The following VEGFC variants were observed in gnomAD, a reference collection of about 807,000 sequenced individuals.
The protein encoded by VEGFC is FLT4 ligand DHM.
VEGFC carries 12 observed loss-of-function variants against 46.1 expected under a neutral mutation model. The ratio of observed to expected loss-of-function variants is 0.26; its 90% CI spans 0.17 to 0.42. VEGFC has a LOEUF of 0.42. VEGFC is among the 10% of genes least tolerant of loss of function. The probability of loss-of-function intolerance (pLI) is 1.00; values close to 1 mark genes in which losing one functional copy is unlikely to be tolerated. For synonymous variants in VEGFC, 232 were observed against 195.5 expected (o/e 1.19, Z -1.56); for missense variants, 488 against 529.4 (o/e 0.92, Z 0.77).
chr4:176,715,786 A>C lies in VEGFC; in HGVS notation c.553-4136T>G, dbSNP rs1013615427. On this transcript the variant is annotated intron_variant, in intron 3 of 6. Coordinates refer to ENST00000618562, the MANE Select transcript of VEGFC (RefSeq NM_005429.5). ...ATACATTTTTTGAACTGAAAAAATA[A>C]TAATTAGAAGTGCATTATAAACTTG... Among the ~76,000 whole-genome samples, 9 of 152,340 alleles carry C rather than the reference A, an allele frequency of 5.9e-5. No homozygotes were observed. In the South Asian group the frequency reaches 1.0e-3, roughly 18 times the overall value.
At chr4:176,737,508 C>G (rs1027918757) in intron 1 of VEGFC, among the ~76,000 whole-genome samples, 1 of 150,252 alleles carries the variant, frequency 6.7e-6, no homozygotes, top group East Asian at 2.0e-4. Flanking sequence ...TTTTAGTGTT[C>G]ATGTAATTTA....
At chr4:176,782,167 G>C (rs914533294) in intron 1 of VEGFC, among the ~76,000 whole-genome samples, 2 of 152,212 alleles carry the variant, frequency 1.3e-5, no homozygotes, top group African/African-American at 4.8e-5. Context: ...CAAAGCACTT[G>C]TAAGAGAAAA....
At chr4:176,760,005 A>G (rs1310951312) in intron 1 of VEGFC, among the ~76,000 whole-genome samples, 2 of 152,192 alleles carry the variant, frequency 1.3e-5, no homozygotes, top group Non-Finnish European at 2.9e-5. Context: ...AAAATTAAAA[A>G]TAGTTAATAA....
intron 3 of VEGFC, among the ~76,000 whole-genome samples, chr4:176,713,734 A>G (rs1023756970): frequency 6.6e-6 from 1 of 152,194 alleles, no homozygotes. Flanking sequence ...GGGCACAGGA[A>G]CATCTATGAG....
intron 3 of VEGFC, among the ~76,000 whole-genome samples, chr4:176,713,424 A>T (rs1734649633): frequency 6.6e-6 from 1 of 152,190 alleles, no homozygotes; most frequent in African/African-American, 2.4e-5. Flanking sequence ...AAGAACTAGC[A>T]CTACAGAAGA....
intron 1 of VEGFC, among the ~76,000 whole-genome samples, chr4:176,791,473 C>A (rs1736091285): frequency 6.6e-6 from 1 of 151,530 alleles, no homozygotes; most frequent in African/African-American, 2.4e-5. Flanking sequence ...ACAAAACAAA[C>A]AAAAAACCCA....
At chr4:176,754,542 T>C (rs1033253363) in intron 1 of VEGFC, among the ~76,000 whole-genome samples, 3 of 151,948 alleles carry the variant, frequency 2.0e-5, no homozygotes, top group Non-Finnish European at 4.4e-5. Context: ...ACCAGATGAG[T>C]CTTTTTCACA....
rs3836595 is a variant in VEGFC at position 176,729,460 on chromosome 4, T to TA, written c.361+72dup. 1,149,242 of 1,347,154 alleles carry TA rather than the reference T, an allele frequency of 0.85. 502,433 individuals carry two copies. Among genetic ancestry groups the TA allele is most frequent in the East Asian group, 0.93 (38,524 of 41,528 alleles). The allele number at this position is 1,347,154 out of a possible 1,614,324, so 83.5% of individuals were successfully genotyped here. On this transcript the variant is annotated intron_variant, in intron 2 of 6. Transcript: ENST00000618562. ...TATTCGGTGATACAAACACTGAAATTAAAGAACCAGGCTGGCAACTTCTAC... is the reference window on the plus strand; with the variant it reads ...TATTCGGTGATACAAACACTGAAATTAAAAGAACCAGGCTGGCAACTTCTAC...
Position 176,683,998 on chromosome 4 carries a change from C to T in VEGFC, c.1188G>A (p.Glu396=), listed in dbSNP as rs1733989642. The change falls in exon 7 of 7, where the codon GAG becomes GAA. Residue 396 remains glutamate (E), a synonymous_variant. Coordinates refer to ENST00000618562, the MANE Select transcript of VEGFC (RefSeq NM_005429.5). ...CTTCTTCACTATATGAAAATCCTGG[C>T]TCACAAGCCTTCTGGCGGTTCGTAC... ...RPCTNRQKAC[E]PGFSYSEEVC... is the part of the protein sequence containing the mutation. 2.5e-6 allele frequency: 4 copies of T among 1,614,222 alleles called. No individual in the cohort carries two copies. The highest frequency in any genetic ancestry group is 3.4e-6 in the Non-Finnish European group (4 of 1,180,030).
chr4:176,785,425 G>GT (rs1735986584), intron 1 of VEGFC, among the ~76,000 whole-genome samples: 1 of 152,026 alleles, frequency 6.6e-6, no homozygotes, highest in Non-Finnish European at 1.5e-5. Context: ...CTTTCAGTAT[G>GT]TCCTTTCTCT....
intron 6 of VEGFC, among the ~76,000 whole-genome samples, chr4:176,686,027 T>C (rs7665213): frequency 0.63 from 95,211 of 152,080 alleles, 30,840 homozygotes; most frequent in South Asian, 0.74. Flanking sequence ...ACAAGCTTTT[T>C]TCTGTTAAAA....
chr4:176,692,888 G>A (rs775353454), intron 4 of VEGFC, among the ~76,000 whole-genome samples: 35 of 146,634 alleles, frequency 2.4e-4, no homozygotes, highest in Non-Finnish European at 3.7e-4. Context: ...ACACAGCAGG[G>A]TATTCCAACA....
At chr4:176,742,201 C>A (rs1171916112) in intron 1 of VEGFC, among the ~76,000 whole-genome samples, 1 of 151,988 alleles carries the variant, frequency 6.6e-6, no homozygotes, top group Non-Finnish European at 1.5e-5. Context: ...TTTTCTGTTT[C>A]TGTGTTAATT....
At chr4:176,756,617 G>A (rs766699872) in intron 1 of VEGFC, among the ~76,000 whole-genome samples, 4 of 151,970 alleles carry the variant, frequency 2.6e-5, no homozygotes, top group South Asian at 2.1e-4. Context: ...TGAAAAAAAC[G>A]TACTCCAATT....
rs1733986294 is a variant in VEGFC at position 176,683,864 on chromosome 4, T to C, written c.*62A>G. On this transcript the variant is annotated 3_prime_UTR_variant, in exon 7 of 7. Transcript: ENST00000618562. ...CAAGGGTCTCTCTGTTCACAGACAG[T>C]TCTACTGTGGCAACACAGTTTTCCA... The C allele has an allele frequency of 1.5e-6, 2 of 1,364,352 alleles. No individual in the cohort carries two copies. Among genetic ancestry groups the C allele is most frequent in the Admixed American group, 3.4e-5 (2 of 59,562 alleles). The allele number at this position is 1,364,352 out of a possible 1,614,324, so 84.5% of individuals were successfully genotyped here. A position where few individuals can be genotyped will look rare whatever the true frequency, so the allele number is the denominator to read the frequency against.
chr4:176,721,684 T>C (rs1035163213), intron 3 of VEGFC, among the ~76,000 whole-genome samples: 1 of 152,218 alleles, frequency 6.6e-6, no homozygotes, highest in Non-Finnish European at 1.5e-5. Context: ...TGATGTCATT[T>C]ACTAAGACAC....
At chr4:176,722,962 T>C (rs1316755059) in intron 3 of VEGFC, among the ~76,000 whole-genome samples, 3 of 152,140 alleles carry the variant, frequency 2.0e-5, no homozygotes, top group African/African-American at 7.2e-5. Context: ...AAAATGAATA[T>C]GCAATGGTCA....
intron 1 of VEGFC, among the ~76,000 whole-genome samples, chr4:176,732,204 T>C (rs1028479010): frequency 6.6e-6 from 1 of 151,796 alleles, no homozygotes; most frequent in African/African-American, 2.4e-5. Context: ...AATAGAAAGA[T>C]GGACAAAGAA....
rs115935051 is a variant in VEGFC, at chr4:176,724,006, T to C, written c.552+3772A>G. ...AGGTAAACTCATGTCATGGGGGTTG[T>C]TGCACAGATTATTTCATCACCCAGG... On this transcript the variant is annotated intron_variant, in intron 3 of 6. Transcript: ENST00000618562. Among the ~76,000 whole-genome samples the C allele has an allele frequency of 1.6e-3, 246 of 152,308 alleles. 1 individual carries two copies. The highest frequency in any genetic ancestry group is 5.8e-3 in the African/African-American group (241 of 41,560).
Sources: gnomAD v4.1 joint callset for allele counts (sites outside exome capture counted in the v4.1 genomes callset) on GRCh38, gnomAD v4.1.1 for gene constraint, MANE v1.5 for transcripts, NCBI Gene and HGNC (gene_info 2026-07-23, HGNC 2026-07-21) for gene names.